HTN3: variants seen among roughly 807,000 people sequenced by gnomAD.
HTN3 encodes the protein histatin-3.
HTN3 carries 15 observed loss-of-function variants against 10.6 expected under a neutral mutation model. The ratio of observed to expected loss-of-function variants is 1.42; its 90% CI spans 0.95 to 2.18. HTN3 has a LOEUF of 2.18. Ranked by LOEUF, HTN3 falls within the 30% of genes most tolerant of loss-of-function variation. The pLI is 0.00. For synonymous variants in HTN3, 15 were observed against 16.9 expected, an observed-to-expected ratio of 0.89 and a Z score of 0.27; for missense variants, 68 against 58.0, an observed-to-expected ratio of 1.17 and a Z score of -0.56.
chr4:70,031,714 A>G (rs1480128973), intron 2 of HTN3, among the ~76,000 whole-genome samples: 1 of 152,090 alleles, frequency 6.6e-6, no homozygotes, highest in Non-Finnish European at 1.5e-5. Flanking sequence ...TTATTCACCA[A>G]TGATAGACTT....
chr4:70,030,808 G>A lies in HTN3; in HGVS notation c.51+17G>A. 6.3e-7 allele frequency: 1 copy of A among 1,593,952 alleles called. No individual in the cohort carries two copies. Among genetic ancestry groups the A allele is most frequent in the Non-Finnish European group, 8.6e-7 (1 of 1,162,034 alleles). ...TCCATGACTGTAAGTATATCTGGAAGTTTTAAAGGATACATTCTCAGTACT... is the reference window on the plus strand; with the variant it reads ...TCCATGACTGTAAGTATATCTGGAAATTTTAAAGGATACATTCTCAGTACT... On this transcript the variant is annotated intron_variant, in intron 2 of 5. Transcript: ENST00000673563.
chr4:70,032,118 T>C lies in HTN3; in HGVS notation c.102+11T>C, dbSNP rs773623441. 1.0e-5 allele frequency: 15 copies of C among 1,483,432 alleles called. 1 individual carries two copies. In the South Asian group the frequency reaches 1.8e-4, roughly 17 times the overall value. The allele number at this position is 1,483,432 out of a possible 1,614,324, so 91.9% of individuals were successfully genotyped here. On this transcript the variant is annotated intron_variant, in intron 4 of 5. Coordinates refer to ENST00000673563, the MANE Select transcript of HTN3 (RefSeq NM_000200.3). ...AAAAGAAAATTCCATGTAAGTGTTC[T>C]TCTGATAATGTGCACTCTGAATAAG...
At chr4:70,030,392 A>T (rs1725353479) in intron 1 of HTN3, among the ~76,000 whole-genome samples, 1 of 152,200 alleles carries the variant, frequency 6.6e-6, no homozygotes, top group African/African-American at 2.4e-5. Flanking sequence ...TTGAAAGGCC[A>T]AGGCAGGAAG....
chr4:70,032,288 G>C (rs776561503), intron 4 of HTN3, among the ~76,000 whole-genome samples, 181 bp downstream of exon 4: 1 of 151,946 alleles, frequency 6.6e-6, no homozygotes. Context: ...TGTTCTAACA[G>C]CATTTCAACG....
At chr4:70,036,011 AGAT>A (rs112239363) in intron 5 of HTN3, among the ~76,000 whole-genome samples, 5,797 of 152,222 alleles carry the variant, frequency 0.038, 360 homozygotes, top group African/African-American at 0.13. Context: ...GAATAAAATA[AGAT>A]GATGATGGAA....
chr4:70,028,728 T>A (rs946431469), intron 1 of HTN3, among the ~76,000 whole-genome samples: 5 of 152,140 alleles, frequency 3.3e-5, no homozygotes, highest in African/African-American at 1.2e-4. Flanking sequence ...TAATGTGGAA[T>A]ATGGCAATGT....
intron 4 of HTN3, among the ~76,000 whole-genome samples, chr4:70,032,828 C>A (rs541133476): frequency 6.6e-6 from 1 of 151,944 alleles, no homozygotes; most frequent in South Asian, 2.1e-4. Context: ...TTCTCCTCCC[C>A]GTTATACTCA....
At chr4:70,035,736 A>C (rs1159426302) in intron 5 of HTN3, among the ~76,000 whole-genome samples, 1 of 152,202 alleles carries the variant, frequency 6.6e-6, no homozygotes, top group Non-Finnish European at 1.5e-5. Context: ...TAAATATTAT[A>C]CTTCAAAATA....
At chr4:70,034,670 A>G (rs1725467244) in intron 5 of HTN3, among the ~76,000 whole-genome samples, 1 of 152,198 alleles carries the variant, frequency 6.6e-6, no homozygotes, top group South Asian at 2.1e-4. Context: ...AACCAGAAAT[A>G]CCATTTGACC....
chr4:70,030,865 C>T lies in HTN3; in HGVS notation c.51+74C>T, dbSNP rs984265438. The T allele has an allele frequency of 2.4e-5, 27 of 1,147,974 alleles. No homozygotes were observed. In the African/African-American group the frequency reaches 3.8e-4, roughly 16 times the overall value. The allele number at this position is 1,147,974 out of a possible 1,614,324, so 71.1% of individuals were successfully genotyped here. ...AAGGATCTTTCTTATTCCTTACGTT[C>T]TGCCATATATTCATGTTCACCTCAA... On this transcript the variant is annotated intron_variant, in intron 2 of 5. Coordinates refer to ENST00000673563, the MANE Select transcript of HTN3 (RefSeq NM_000200.3).
intron 2 of HTN3, 31 bp downstream of exon 2, chr4:70,030,822 A>G: frequency 6.6e-7 from 1 of 1,513,110 alleles, no homozygotes; most frequent in Non-Finnish European, 9.2e-7. Context: ...TAAAGGATAC[A>G]TTCTCAGTAC....
chr4:70,028,482 T>C lies in HTN3; in HGVS notation c.-48T>C, dbSNP rs1401425915. 2.0e-5 allele frequency: 3 copies of C among 152,324 alleles called. No homozygotes were observed. Among genetic ancestry groups the C allele is most frequent in the Admixed American group, 6.5e-5 (1 of 15,294 alleles). The allele number at this position is 152,324 out of a possible 1,614,324, so 9.4% of individuals were successfully genotyped here. On this transcript the variant is annotated 5_prime_UTR_variant, in exon 1 of 6. Transcript: ENST00000673563. ...ACATCTCTTGAGACTTCACTTCAGC[T>C]TCACTGACTTCTGGATTCTCCTCTT...
chr4:70,036,078 T>G (rs1386810541), intron 5 of HTN3, among the ~76,000 whole-genome samples, 189 bp from the exon 6 acceptor site: 1 of 152,214 alleles, frequency 6.6e-6, no homozygotes. Context: ...TAATTTTTAT[T>G]TATTCTGATA....
intron 5 of HTN3, among the ~76,000 whole-genome samples, chr4:70,035,538 T>C (rs1313728989): frequency 6.6e-6 from 1 of 152,178 alleles, no homozygotes; most frequent in Non-Finnish European, 1.5e-5. Context: ...ATCTGGGAAC[T>C]CATGAGAAAT....
intron 5 of HTN3, chr4:70,033,577 T>C: frequency 5.8e-6 from 1 of 173,430 alleles, no homozygotes; most frequent in Non-Finnish European, 1.2e-5. Context: ...TTGCTTACAA[T>C]TGTCTTGTGT....
rs2109709398 is a variant in HTN3 at position 70,033,269 on chromosome 4, T to C, written c.*33+16T>C. ...GATTATGGAGGTAAGCTGACTCTAG[T>C]TACTTTTCTTTCTAGAAGTATCAAC... On this transcript the variant is annotated intron_variant, in intron 5 of 5. Coordinates refer to ENST00000673563, the MANE Select transcript of HTN3 (RefSeq NM_000200.3). 1.7e-6 allele frequency: 2 copies of C among 1,178,174 alleles called. No individual in the cohort carries two copies. The highest frequency in any genetic ancestry group is 2.5e-6 in the Non-Finnish European group (2 of 813,736). The allele number at this position is 1,178,174 out of a possible 1,614,324, so 73.0% of individuals were successfully genotyped here. A position where few individuals can be genotyped will look rare whatever the true frequency, so the allele number is the denominator to read the frequency against.
Position 70,035,214 on chromosome 4 carries a change from C to T in HTN3, c.*34-1053C>T, listed in dbSNP as rs192823047. On this transcript the variant is annotated intron_variant, in intron 5 of 5. Coordinates refer to ENST00000673563, the MANE Select transcript of HTN3 (RefSeq NM_000200.3). ...GCCTCTGAGGGAAAGCTTCTGTTTGCTACTGTTAAGAGACAGAGTTCTGGG... is the reference window on the plus strand; with the variant it reads ...GCCTCTGAGGGAAAGCTTCTGTTTGTTACTGTTAAGAGACAGAGTTCTGGG... Among the ~76,000 whole-genome samples, 92 of 152,294 alleles carry T rather than the reference C, an allele frequency of 6.0e-4. 1 individual carries two copies. In the East Asian group the frequency reaches 0.015, roughly 25 times the overall value.
At chr4:70,030,023 G>A (rs1354420076) in intron 1 of HTN3, among the ~76,000 whole-genome samples, 1 of 152,112 alleles carries the variant, frequency 6.6e-6, no homozygotes, top group Non-Finnish European at 1.5e-5. Context: ...TCTTTACACT[G>A]TACTTTAATT....
intron 1 of HTN3, 44 bp downstream of exon 1, chr4:70,028,560 C>A (rs1725297517): frequency 6.6e-6 from 1 of 151,976 alleles, no homozygotes; most frequent in Non-Finnish European, 1.5e-5. Flanking sequence ...TTAGCATAAG[C>A]TTTTGTTTGC....
Sources: gnomAD v4.1 joint callset for allele counts (sites outside exome capture counted in the v4.1 genomes callset) on GRCh38, gnomAD v4.1.1 for gene constraint, MANE v1.5 for transcripts, NCBI Gene and HGNC (gene_info 2026-07-23, HGNC 2026-07-21) for gene names.